Variants in GLI2 observed in about 807,000 individuals in gnomAD.
The protein encoded by GLI2 is transcription activator GLI2.
A neutral mutation model predicts 78.9 loss-of-function variants in GLI2; 22 were observed. The observed-to-expected ratio is 0.28, with a 90% confidence interval of 0.20 to 0.40. The LOEUF (loss-of-function observed/expected upper bound fraction) is 0.40. Among genes scored for constraint, GLI2 ranks in the 10% least tolerant of loss-of-function variants. GLI2 has a pLI of 1.00. For synonymous variants in GLI2, 974 were observed against 963.7 expected, an observed-to-expected ratio of 1.01 and a Z score of -0.20; for missense variants, 2,097 against 2,213.2, an observed-to-expected ratio of 0.95 and a Z score of 1.05.
intron 1 of GLI2, among the ~76,000 whole-genome samples, chr2:120,747,298 GAC>G (rs1386734509): frequency 2.0e-5 from 3 of 152,184 alleles, no homozygotes; most frequent in Non-Finnish European, 4.4e-5. Flanking sequence ...TGCATGCTCA[GAC>G]ACACACAAGC....
At chr2:120,832,211 C>T (rs1686396806) in intron 2 of GLI2, among the ~76,000 whole-genome samples, 1 of 152,198 alleles carries the variant, frequency 6.6e-6, no homozygotes, top group Admixed American at 6.5e-5. Flanking sequence ...CTTGAATTTG[C>T]CCCCTGGCTG....
chr2:120,978,900 C>T (rs570747474), intron 10 of GLI2, among the ~76,000 whole-genome samples: 43 of 152,178 alleles, frequency 2.8e-4, no homozygotes, highest in Non-Finnish European at 4.7e-4. Context: ...GGCTGGGTGA[C>T]GCTGGGAAGA....
At chr2:120,983,033 CTT>C (rs67863160) in intron 11 of GLI2, among the ~76,000 whole-genome samples, 153 bp downstream of exon 11, 103,967 of 151,684 alleles carry the variant, frequency 0.69, 35,913 homozygotes, top group Non-Finnish European at 0.72. Flanking sequence ...GACCAGGACT[CTT>C]TGAGACCTAG....
intron 2 of GLI2, among the ~76,000 whole-genome samples, chr2:120,865,281 C>T (rs1287812295): frequency 6.6e-6 from 1 of 152,224 alleles, no homozygotes; most frequent in Non-Finnish European, 1.5e-5. Flanking sequence ...GGGCCAGGTC[C>T]TGCTGTCTGC....
At chr2:120,789,034 T>C (rs1219370577) in intron 1 of GLI2, among the ~76,000 whole-genome samples, 1 of 80,594 alleles carries the variant, frequency 1.2e-5, no homozygotes, top group South Asian at 3.2e-4. Flanking sequence ...TCTTTCTTTC[T>C]TTTTTTTTTT....
intron 2 of GLI2, among the ~76,000 whole-genome samples, chr2:120,898,660 G>GCACAGAAACCAC (rs1379065028): frequency 6.6e-6 from 1 of 152,176 alleles, no homozygotes; most frequent in Admixed American, 6.5e-5. Flanking sequence ...AGCGTTTTCG[G>GCACAGAAACCAC]AGGATTCTGT....
chr2:120,943,041 G>A (rs1382030441), intron 3 of GLI2, among the ~76,000 whole-genome samples: 1 of 152,210 alleles, frequency 6.6e-6, no homozygotes, highest in Non-Finnish European at 1.5e-5. Context: ...TCCCTGGCAT[G>A]TGCGGAGCCA....
intron 3 of GLI2, among the ~76,000 whole-genome samples, chr2:120,939,944 G>A (rs1172731983): frequency 6.6e-6 from 1 of 152,166 alleles, no homozygotes; most frequent in Non-Finnish European, 1.5e-5. Flanking sequence ...TCACTTTGGA[G>A]GTGATGGCCT....
chr2:120,821,838 G>A (rs560621485), intron 2 of GLI2, among the ~76,000 whole-genome samples: 2 of 152,174 alleles, frequency 1.3e-5, no homozygotes, highest in South Asian at 2.1e-4. Context: ...CACCAGGGCC[G>A]CCCAGCTGGA....
intron 2 of GLI2, among the ~76,000 whole-genome samples, chr2:120,912,945 A>AGAATCGCAAGTAACCCTCCTAC (rs892402119): frequency 2.0e-5 from 3 of 152,248 alleles, no homozygotes; most frequent in African/African-American, 4.8e-5. Context: ...CCTCACCCAC[A>AGAATCGCAAGTAACCCTCCTAC]GAATCGCAAG....
chr2:120,983,001 C>T, intron 11 of GLI2, 121 bp downstream of exon 11: 3 of 852,720 alleles, frequency 3.5e-6, no homozygotes, highest in Non-Finnish European at 5.6e-6. Context: ...CGCCACTGAC[C>T]AGCTATACAT....
At chr2:120,911,765 G>T (rs1320853940) in intron 2 of GLI2, among the ~76,000 whole-genome samples, 7 of 152,034 alleles carry the variant, frequency 4.6e-5, no homozygotes, top group Non-Finnish European at 1.0e-4. Flanking sequence ...CTTCCTGGAG[G>T]CAGGCTCGTG....
At chr2:120,866,959 C>T (rs1688166530) in intron 2 of GLI2, among the ~76,000 whole-genome samples, 1 of 152,156 alleles carries the variant, frequency 6.6e-6, no homozygotes, top group Non-Finnish European at 1.5e-5. Context: ...GACTCCACTT[C>T]CAGGCTCTGC....
At chr2:120,806,158 G>A (rs76201712) in intron 2 of GLI2, among the ~76,000 whole-genome samples, 12,877 of 152,228 alleles carry the variant, frequency 0.085, 713 homozygotes, top group Non-Finnish European at 0.13. Context: ...ACTTGGGAGG[G>A]GGGGAAAGAG....
At chr2:120,818,269 G>A (rs1397669736) in intron 2 of GLI2, among the ~76,000 whole-genome samples, 1 of 152,236 alleles carries the variant, frequency 6.6e-6, no homozygotes, top group Non-Finnish European at 1.5e-5. Flanking sequence ...AGGACAGCCA[G>A]TGGGTACATT....
In GLI2 at chr2:120,927,434, T is replaced by G; in HGVS notation, c.222T>G (p.His74Gln). The change falls in exon 3 of 14, where the codon CAT (histidine) becomes CAG (glutamine). Residue 74 changes from histidine to glutamine, a missense_variant. Coordinates refer to ENST00000361492, the MANE Select transcript of GLI2 (RefSeq NM_001374353.1). ...IDMRHQEGRY[H>Q]YEPHSVHGVH... ...TGCGACACCAGGAAGGAAGGTACCA[T>G]TACGAGCCTCATTCTGTCCACGGTG... The G allele has an allele frequency of 6.2e-7, 1 of 1,613,852 alleles. No homozygotes were observed. Among genetic ancestry groups the G allele is most frequent in the East Asian group, 2.2e-5 (1 of 44,878 alleles).
rs1250893913 is a variant in GLI2, at chr2:120,990,691, G to A, written c.*16G>A. 2.5e-6 allele frequency: 4 copies of A among 1,605,420 alleles called. No homozygotes were observed. Among genetic ancestry groups the A allele is most frequent in the Non-Finnish European group, 3.4e-6 (4 of 1,175,638 alleles). On this transcript the variant is annotated 3_prime_UTR_variant, in exon 14 of 14. Coordinates refer to ENST00000361492, the MANE Select transcript of GLI2 (RefSeq NM_001374353.1). ...GATGACCTAGAGGCCCGAGCGCCTGGTGCTGAGTGCACCCGGAGGGGTCAT... is the reference window on the plus strand; with the variant it reads ...GATGACCTAGAGGCCCGAGCGCCTGATGCTGAGTGCACCCGGAGGGGTCAT...
rs777267988 is a variant in GLI2 at position 120,989,231 on chromosome 2, G to T, written c.3266G>T (p.Gly1089Val). The T allele has an allele frequency of 1.9e-6, 3 of 1,613,176 alleles. No homozygotes were observed. The highest frequency in any genetic ancestry group is 2.5e-6 in the Non-Finnish European group (3 of 1,180,028). The part of the protein sequence containing the change: ...NPRLPSPGLH[G>V]QRRMVAADSN... ...AGACTACCCAGCCCGGGGCTGCACGGCCAGCGCAGGATGGTGGCTGCGGAC... is the reference window on the plus strand; with the variant it reads ...AGACTACCCAGCCCGGGGCTGCACGTCCAGCGCAGGATGGTGGCTGCGGAC... Residue 1089 changes from glycine to valine, a missense_variant, in exon 14 of 14, where the codon GGC becomes GTC. This residue lies in a region of GLI2 where 1,290 missense variants were observed against 1,261.7 expected (regional missense o/e 1.02). Coordinates refer to ENST00000361492, the MANE Select transcript of GLI2 (RefSeq NM_001374353.1).
Position 120,886,203 on chromosome 2 carries a change from TGTGTGTGC to T in GLI2, c.149-41153_149-41146del, listed in dbSNP as rs1254518270. On this transcript the variant is annotated intron_variant, in intron 2 of 13. Transcript: ENST00000361492. ...GTGTGTGTGTGTGTGTGTGTGTGTG[TGTGTGTGC>T]GTGTATATTTTGGTTTTGGGTTTTT... Among the ~76,000 whole-genome samples, 59 of 33,986 alleles carry T rather than the reference TGTGTGTGC, an allele frequency of 1.7e-3. 2 individuals are homozygous for T. The African/African-American group carries it at 0.022, about 12-fold the overall frequency. The allele number at this position is 33,986 out of a possible 152,430, so 22.3% of individuals were successfully genotyped here.
Sources: gnomAD v4.1 joint callset for allele counts (sites outside exome capture counted in the v4.1 genomes callset) on GRCh38, gnomAD v4.1.1 for gene constraint, gnomAD v4.1.1 regional missense constraint, MANE v1.5 for transcripts, NCBI Gene and HGNC (gene_info 2026-07-23, HGNC 2026-07-21) for gene names.